PIWIL4: variants seen among roughly 807,000 people sequenced by gnomAD.
The protein encoded by PIWIL4 is piwi like RNA-mediated gene silencing 4.
In PIWIL4, 50 loss-of-function variants were observed where a neutral mutation model predicts 100.9. That is an observed-to-expected ratio of 0.50 (90% CI 0.39 to 0.63). The LOEUF (loss-of-function observed/expected upper bound fraction) is 0.63. PIWIL4 is among the 20% of genes least tolerant of loss of function. The pLI is 0.00. For missense variants in PIWIL4, 887 were observed against 1,043.3 expected, an observed-to-expected ratio of 0.85 and a Z score of 2.06; for synonymous variants, 342 against 367.5, an observed-to-expected ratio of 0.93 and a Z score of 0.79.
At chr11:94,595,495 A>G in intron 10 of PIWIL4, 69 bp downstream of exon 10, 1 of 1,178,340 alleles carries the variant, frequency 8.5e-7, no homozygotes, top group Non-Finnish European at 1.2e-6. Flanking sequence ...TGTAACACTG[A>G]TATATTCCTT....
rs753801622 is a variant in PIWIL4 at position 94,620,872 on chromosome 11, T to C, written c.2443-4T>C. The C allele has an allele frequency of 1.2e-6, 2 of 1,607,728 alleles. No individual in the cohort carries two copies. Among genetic ancestry groups the C allele is most frequent in the African/African-American group, 1.3e-5 (1 of 74,700 alleles). On this transcript the variant is annotated splice_region_variant and splice_polypyrimidine_tract_variant and intron_variant, in intron 19 of 19. Transcript: ENST00000299001. ...AATTATTATCAATACTTTTTTCTCC[T>C]CAGGGCATAGTCAGTGTCCCAGCAC...
chr11:94,616,758 C>T (rs1299554409), intron 16 of PIWIL4, among the ~76,000 whole-genome samples, 195 bp downstream of exon 16: 1 of 152,176 alleles, frequency 6.6e-6, no homozygotes, highest in East Asian at 1.9e-4. Flanking sequence ...TTTACATTTA[C>T]ATTTGTCTGT....
chr11:94,586,517 C>CA (rs1444897702), intron 6 of PIWIL4, among the ~76,000 whole-genome samples: 3 of 152,140 alleles, frequency 2.0e-5, no homozygotes, highest in Non-Finnish European at 2.9e-5. Flanking sequence ...TTAATCTCGT[C>CA]ATTAAATCTA....
chr11:94,620,165 T>A (rs1948890669), intron 19 of PIWIL4, 21 bp downstream of exon 19: 1 of 1,556,416 alleles, frequency 6.4e-7, no homozygotes, highest in Non-Finnish European at 8.7e-7. Flanking sequence ...GCTGTTTACT[T>A]AATGTAAATA....
chr11:94,582,769 A>G (rs1466290003), intron 4 of PIWIL4, among the ~76,000 whole-genome samples: 1 of 152,182 alleles, frequency 6.6e-6, no homozygotes, highest in African/African-American at 2.4e-5. Context: ...CCTTTCAGCA[A>G]TTTATAAAAT....
chr11:94,615,548 A>G (rs1207056836), intron 15 of PIWIL4, among the ~76,000 whole-genome samples: 1 of 152,158 alleles, frequency 6.6e-6, no homozygotes, highest in Non-Finnish European at 1.5e-5. Flanking sequence ...CCACCTTGCT[A>G]ATATCACTCA....
chr11:94,592,657 A>C (rs935881133), intron 8 of PIWIL4, among the ~76,000 whole-genome samples: 3 of 152,240 alleles, frequency 2.0e-5, no homozygotes, highest in Non-Finnish European at 2.9e-5. Context: ...TCAGTGTCAC[A>C]ATACCCAGGC....
chr11:94,610,721 C>T (rs547698725), intron 15 of PIWIL4, among the ~76,000 whole-genome samples: 35 of 152,098 alleles, frequency 2.3e-4, no homozygotes, highest in African/African-American at 7.7e-4. Context: ...ATATCATCCC[C>T]GTATCAGATA....
chr11:94,619,001 T>G (rs760527085), intron 17 of PIWIL4, among the ~76,000 whole-genome samples: 1 of 152,228 alleles, frequency 6.6e-6, no homozygotes, highest in Non-Finnish European at 1.5e-5. Flanking sequence ...ATCACAGGTA[T>G]GCAACTGAGG....
intron 15 of PIWIL4, among the ~76,000 whole-genome samples, chr11:94,609,558 C>T (rs962641527): frequency 6.6e-6 from 1 of 152,124 alleles, no homozygotes; most frequent in African/African-American, 2.4e-5. Flanking sequence ...CCTACAACTT[C>T]ATTCCAGGTT....
intron 5 of PIWIL4, among the ~76,000 whole-genome samples, chr11:94,585,173 C>A (rs747796655): frequency 3.3e-5 from 5 of 152,182 alleles, no homozygotes; most frequent in Non-Finnish European, 7.3e-5. Flanking sequence ...AATGTTACTA[C>A]CCATAATGGC....
intron 11 of PIWIL4, among the ~76,000 whole-genome samples, chr11:94,601,149 A>C (rs1295838627): frequency 6.6e-6 from 1 of 151,866 alleles, no homozygotes; most frequent in Non-Finnish European, 1.5e-5. Context: ...TTGATTGAGG[A>C]AGTGATAAGT....
At chr11:94,576,037 T>C (rs990947479) in intron 3 of PIWIL4, among the ~76,000 whole-genome samples, 8 of 152,270 alleles carry the variant, frequency 5.3e-5, no homozygotes, top group Admixed American at 5.2e-4. Context: ...GAGGAAATAC[T>C]GAAGCACAGC....
intron 11 of PIWIL4, among the ~76,000 whole-genome samples, chr11:94,599,230 C>T (rs1240568375): frequency 6.6e-6 from 1 of 152,158 alleles, no homozygotes; most frequent in Non-Finnish European, 1.5e-5. Context: ...CTCATAATTT[C>T]TATAAGTAAA....
At position 94,616,745 on chromosome 11, in the gene PIWIL4, GCATTTA is replaced by G. The variant is rs1446557411; in HGVS notation, c.2014+194_2014+199del. ...TTTAGGCCAACAATCAGACTATGTA[GCATTTA>G]CATTTACATTTGTCTGTGTGTGATA... On this transcript the variant is annotated intron_variant, in intron 16 of 19. Transcript: ENST00000299001. Among the ~76,000 whole-genome samples, 4 of 152,286 alleles carry G rather than the reference GCATTTA, an allele frequency of 2.6e-5. No homozygotes were observed. The East Asian group carries it at 7.7e-4, about 29-fold the overall frequency.
intron 11 of PIWIL4, 146 bp downstream of exon 11, chr11:94,598,061 G>A (rs1019748663): frequency 2.7e-5 from 17 of 618,762 alleles, no homozygotes; most frequent in Non-Finnish European, 4.5e-5. Context: ...CAGATCCCCT[G>A]TGGTTTCCTT....
rs533260701 is a variant in PIWIL4, at chr11:94,596,495, G to C, written c.1268+1069G>C. On this transcript the variant is annotated intron_variant, in intron 10 of 19. Coordinates refer to ENST00000299001, the MANE Select transcript of PIWIL4 (RefSeq NM_152431.3). ...AAAGAGAAATGGTATAATACTGTAC[G>C]TCATGTTTTGTAGCTTGCTCTTTTC... Among the ~76,000 whole-genome samples the C allele has an allele frequency of 2.4e-4, 37 of 152,158 alleles. 1 individual carries two copies. The South Asian group carries it at 7.7e-3, about 32-fold the overall frequency.
rs375120100 is a variant in PIWIL4, at chr11:94,572,022, A to G, written c.167-2977A>G. 4.9e-4 allele frequency among the ~76,000 whole-genome samples: 75 copies of G among 152,194 alleles called. No individual in the cohort carries two copies. The East Asian group carries it at 0.013, about 27-fold the overall frequency. ...GCATCTCATTGTGGTTTTGATTTGC[A>G]TTTCTCTGATGGCCAGTGATGATGA... On this transcript the variant is annotated intron_variant, in intron 2 of 19. Coordinates refer to ENST00000299001, the MANE Select transcript of PIWIL4 (RefSeq NM_152431.3).
intron 15 of PIWIL4, among the ~76,000 whole-genome samples, chr11:94,613,227 G>C (rs1408427937): frequency 6.6e-6 from 1 of 152,148 alleles, no homozygotes. Context: ...AGCTTTTCAA[G>C]GAAAAGTATT....
Sources: gnomAD v4.1 joint callset for allele counts (sites outside exome capture counted in the v4.1 genomes callset) on GRCh38, gnomAD v4.1.1 for gene constraint, MANE v1.5 for transcripts, NCBI Gene and HGNC (gene_info 2026-07-23, HGNC 2026-07-21) for gene names.